Variants in AMZ1 observed in about 807,000 individuals in gnomAD.
The protein encoded by AMZ1 is archaemetzincin-1.
In AMZ1, 39 loss-of-function variants were observed where a neutral mutation model predicts 29.9. That is an observed-to-expected ratio of 1.30 (90% CI 1.01 to 1.70). AMZ1 has a LOEUF of 1.70. Among genes scored for constraint, AMZ1 ranks in the 40% most tolerant of loss-of-function variants. AMZ1 has a pLI of 0.00. For missense variants in AMZ1, 1,041 were observed against 680.6 expected, an observed-to-expected ratio of 1.53 and a Z score of -5.89; for synonymous variants, 458 against 304.0, an observed-to-expected ratio of 1.51 and a Z score of -5.27.
rs1338956261 is a variant in AMZ1, at chr7:2,709,219, C to T, written c.746C>T (p.Ala249Val). 3.3e-6 allele frequency: 5 copies of T among 1,508,928 alleles called. No individual in the cohort carries two copies. The highest frequency in any genetic ancestry group is 1.4e-5 in the African/African-American group (1 of 71,420). The allele number at this position is 1,508,928 out of a possible 1,614,324, so 93.5% of individuals were successfully genotyped here. Residue 249 changes from alanine to valine, a missense_variant, in exon 5 of 7, where the codon GCC becomes GTC. Physicochemically the swap from Ala to Val is moderately conservative, Grantham distance 64 (BLOSUM62 0). Transcript: ENST00000683327. ...AGGGGCTGGGCCCTGTGCTTCAGTG[C>T]CCTGGGGATGGTTCAGTGCTGCAAG... ...QDRGWALCFS[A>V]LGMVQCCKVT... is the part of the protein sequence containing the mutation.
At chr7:2,733,829 G>A (rs1313173448) in intron 4 of AMZ1, among the ~76,000 whole-genome samples, 1 of 152,202 alleles carries the variant, frequency 6.6e-6, no homozygotes, top group Non-Finnish European at 1.5e-5. Flanking sequence ...GCCCACTCCT[G>A]GCCATGCGGC....
intron 4 of AMZ1, among the ~76,000 whole-genome samples, chr7:2,759,093 T>C (rs1341337002): frequency 6.6e-6 from 1 of 150,696 alleles, no homozygotes; most frequent in Non-Finnish European, 1.5e-5. Context: ...TGAGCCGAGA[T>C]TACACCATTG....
At chr7:2,723,625 C>A (rs924447603), downstream of AMZ1, among the ~76,000 whole-genome samples, 16 of 152,206 alleles carry the variant, frequency 1.1e-4, no homozygotes, top group African/African-American at 3.9e-4. Context: ...CCCTGCATGC[C>A]CCCTCGGCGC....
intron 4 of AMZ1, among the ~76,000 whole-genome samples, chr7:2,753,782 A>T (rs1475487539): frequency 2.0e-5 from 3 of 151,530 alleles, no homozygotes; most frequent in Non-Finnish European, 2.9e-5. Flanking sequence ...TGCTGAATTT[A>T]CTCCTGTGCC....
chr7:2,721,301 T>C (rs798548), downstream of AMZ1, among the ~76,000 whole-genome samples: 39,530 of 152,142 alleles, frequency 0.26, 5,623 homozygotes, highest in Non-Finnish European at 0.3. Context: ...ACCGCAGATG[T>C]GTGGAAGATG....
At chr7:2,708,495 C>G (rs1017956632) in intron 3 of AMZ1, 93 bp from the exon 4 acceptor site, 5 of 1,560,560 alleles carry the variant, frequency 3.2e-6, no homozygotes, top group Non-Finnish European at 4.3e-6. Flanking sequence ...AGGGCCCAGG[C>G]AGAGGAAGAG....
chr7:2,712,367 G>A lies in AMZ1; in HGVS notation c.986G>A (p.Trp329Ter). Reference sequence around the variant, plus strand: ...TGGACTCAGGCGGTGGTGGGGACGTGGCCCAGCCAGGAGGCGGGGGAGCCG... The same window carrying A: ...TGGACTCAGGCGGTGGTGGGGACGTAGCCCAGCCAGGAGGCGGGGGAGCCG... ...YTWTQAVVGT[W>*]PSQEAGEPSV... Residue 329 changes from tryptophan (W) to a stop codon, truncating the protein, a stop_gained, in exon 7 of 7, where the codon TGG becomes TAG. Transcript: ENST00000683327. LOFTEE classifies it low-confidence loss of function (END_TRUNC). 1 of 1,603,972 alleles carries A rather than the reference G, an allele frequency of 6.2e-7. No homozygotes were observed. The highest frequency in any genetic ancestry group is 8.5e-7 in the Non-Finnish European group (1 of 1,175,016).
intron 1 of AMZ1, among the ~76,000 whole-genome samples, chr7:2,696,896 C>CA (rs1034950796): frequency 1.1e-4 from 17 of 150,092 alleles, no homozygotes; most frequent in African/African-American, 3.9e-4. Flanking sequence ...AAACAAAAAA[C>CA]AAAAACAAAA....
intron 4 of AMZ1, among the ~76,000 whole-genome samples, chr7:2,740,499 T>G (rs527992398): frequency 3.9e-5 from 6 of 152,156 alleles, no homozygotes; most frequent in Non-Finnish European, 7.4e-5. Flanking sequence ...GATCCTCAAT[T>G]TCCAATCTCC....
chr7:2,695,532 C>A (rs1355921105), intron 1 of AMZ1, among the ~76,000 whole-genome samples: 3 of 147,620 alleles, frequency 2.0e-5, no homozygotes, highest in African/African-American at 7.6e-5. Flanking sequence ...GCCTGGGCAA[C>A]ATAGTGAGAC....
downstream of AMZ1, among the ~76,000 whole-genome samples, chr7:2,724,557 G>A (rs1365547015): frequency 2.1e-5 from 3 of 140,936 alleles, no homozygotes; most frequent in Admixed American, 1.4e-4. Context: ...CCCCACCCAC[G>A]AGGGCCAGGC....
At chr7:2,708,560 A>G in intron 3 of AMZ1, 28 bp from the exon 4 acceptor site, 1 of 1,610,362 alleles carries the variant, frequency 6.2e-7, no homozygotes, top group Non-Finnish European at 8.5e-7. Context: ...CTGCCTCCTG[A>G]CCCCATCCTC....
At chr7:2,743,124 G>A (rs1283163866) in intron 4 of AMZ1, among the ~76,000 whole-genome samples, 1 of 152,194 alleles carries the variant, frequency 6.6e-6, no homozygotes, top group Admixed American at 6.5e-5. Context: ...GTCAGTGAGG[G>A]AGACCTCAAG....
intron 3 of AMZ1, among the ~76,000 whole-genome samples, chr7:2,704,834 G>A (rs1335128455): frequency 6.6e-6 from 1 of 151,964 alleles, no homozygotes; most frequent in Non-Finnish European, 1.5e-5. Context: ...CTGACCTGGT[G>A]ATCTGCCTGC....
intron 1 of AMZ1, among the ~76,000 whole-genome samples, chr7:2,688,538 G>A (rs1322305345): frequency 6.6e-6 from 1 of 152,180 alleles, no homozygotes; most frequent in African/African-American, 2.4e-5. Flanking sequence ...GCAGAGGGAA[G>A]GCCGGGCCAG....
At chr7:2,762,942 G>A (rs960426434), upstream of AMZ1, 104 of 1,380,048 alleles carry the variant, frequency 7.5e-5, no homozygotes, top group African/African-American at 1.0e-3. Flanking sequence ...AGACACTCCC[G>A]TGGGGCCCGT....
intron 4 of AMZ1, among the ~76,000 whole-genome samples, chr7:2,757,672 T>C (rs1457955361): frequency 6.6e-6 from 1 of 152,174 alleles, no homozygotes; most frequent in African/African-American, 2.4e-5. Context: ...AAGTTGCTAA[T>C]TGGTGGTAAT....
intron 4 of AMZ1, among the ~76,000 whole-genome samples, chr7:2,743,354 T>A (rs549102842): frequency 6.6e-6 from 1 of 152,322 alleles, no homozygotes; most frequent in South Asian, 2.1e-4. Context: ...ACATCCATAA[T>A]ACCCAAGATA....
In AMZ1 at chr7:2,716,924, G is replaced by A. The variant is rs531877715; in HGVS notation, c.*4046G>A. ...GAAACGGCAGAGCGGAAGTTGAGGCGCAGTCTGTTCTTGCTTGAACCCCGA... is the reference window on the plus strand; with the variant it reads ...GAAACGGCAGAGCGGAAGTTGAGGCACAGTCTGTTCTTGCTTGAACCCCGA... On this transcript the variant is annotated 3_prime_UTR_variant, in exon 7 of 7. Transcript: ENST00000683327. Among the ~76,000 whole-genome samples, 6 of 152,206 alleles carry A rather than the reference G, an allele frequency of 3.9e-5. No individual in the cohort carries two copies. Among genetic ancestry groups the A allele is most frequent in the African/African-American group, 7.2e-5 (3 of 41,454 alleles).
Sources: allele counts gnomAD v4.1 joint callset (sites outside exome capture counted in the v4.1 genomes callset), GRCh38; gene constraint gnomAD v4.1.1; transcripts MANE v1.5; gene names NCBI Gene and HGNC (gene_info 2026-07-23, HGNC 2026-07-21).